The following ZNF507 variants were observed in gnomAD, a reference collection of about 807,000 sequenced individuals.
The protein encoded by ZNF507 is zinc finger protein 507.
Under a neutral mutation model 80.0 loss-of-function variants are expected in ZNF507, and 29 were observed. The ratio of observed to expected loss-of-function variants is 0.36; its 90% CI spans 0.27 to 0.49. The LOEUF (loss-of-function observed/expected upper bound fraction) is 0.49. Among genes scored for constraint, ZNF507 ranks in the 20% least tolerant of loss-of-function variants. ZNF507 has a pLI of 0.98. For synonymous variants in ZNF507, 462 were observed against 422.5 expected, an observed-to-expected ratio of 1.09 and a Z score of -1.15; for missense variants, 1,081 against 1,152.2, an observed-to-expected ratio of 0.94 and a Z score of 0.90.
intron 5 of ZNF507, among the ~76,000 whole-genome samples, chr19:32,364,697 CATATAT>C (rs758661375): frequency 6.6e-6 from 1 of 151,944 alleles, no homozygotes; most frequent in Non-Finnish European, 1.5e-5. Context: ...AGTATTCAAT[CATATAT>C]ATATATCTCC....
intron 4 of ZNF507, chr19:32,359,099 C>T (rs987098255): frequency 1.3e-5 from 2 of 152,150 alleles, no homozygotes; most frequent in African/African-American, 4.8e-5. Flanking sequence ...CAATATTTCA[C>T]ACTTCATTTT....
At position 32,387,089 on chromosome 19, in the gene ZNF507, CT is replaced by C. The variant is rs1424835235; in HGVS notation, c.*4012del. ...TTAAAAATTAAGTCTAATTTTGAAG[CT>C]TTTTTCCTTGCTACCCAGTTCAGTT... On this transcript the variant is annotated 3_prime_UTR_variant, in exon 7 of 7. Coordinates refer to ENST00000355898, the MANE Select transcript of ZNF507 (RefSeq NM_001136156.2). 6.6e-6 allele frequency: 1 copy of C among 152,106 alleles called. No homozygotes were observed. The highest frequency in any genetic ancestry group is 1.5e-5 in the Non-Finnish European group (1 of 68,018). The allele number at this position is 152,106 out of a possible 1,614,324, so 9.4% of individuals were successfully genotyped here.
chr19:32,363,986 T>C (rs1967363875), intron 5 of ZNF507, among the ~76,000 whole-genome samples: 1 of 152,192 alleles, frequency 6.6e-6, no homozygotes, highest in Admixed American at 6.5e-5. Flanking sequence ...TGTTATGCCA[T>C]ACTAAGCCTC....
At chr19:32,367,311 T>C (rs1967411673) in intron 5 of ZNF507, among the ~76,000 whole-genome samples, 1 of 152,186 alleles carries the variant, frequency 6.6e-6, no homozygotes, top group Non-Finnish European at 1.5e-5. Context: ...TGCCCAGGCT[T>C]TACCTCCAAC....
In ZNF507 at chr19:32,354,206, G is replaced by A. The variant is rs777010759; in HGVS notation, c.1376G>A (p.Ser459Asn). The change falls in exon 3 of 7, where the codon AGC (serine) becomes AAC (asparagine). Residue 459 changes from serine (S) to asparagine (N), a missense_variant. Physicochemically the swap from Ser to Asn is conservative, Grantham distance 46. Transcript: ENST00000355898. ...ATTGGGGGATTGATCATAGGCTGGAGCAGTTCAGAGAAAAAAGACGAGTTA... is the reference window on the plus strand; with the variant it reads ...ATTGGGGGATTGATCATAGGCTGGAACAGTTCAGAGAAAAAAGACGAGTTA... ...VDIGGLIIGWSSSEKKDELMN... is the reference protein window; with the variant it reads ...VDIGGLIIGWNSSEKKDELMN... 6.2e-7 allele frequency: 1 copy of A among 1,613,668 alleles called. No homozygotes were observed. Among genetic ancestry groups the A allele is most frequent in the Admixed American group, 1.7e-5 (1 of 60,012 alleles).
rs542178162 is a variant in ZNF507, at chr19:32,367,804, A to T, written c.2360+7186A>T. 5.9e-5 allele frequency among the ~76,000 whole-genome samples: 9 copies of T among 152,322 alleles called. No homozygotes were observed. In the South Asian group the frequency reaches 1.9e-3, roughly 32 times the overall value. On this transcript the variant is annotated intron_variant, in intron 5 of 6. Coordinates refer to ENST00000355898, the MANE Select transcript of ZNF507 (RefSeq NM_001136156.2). The stretch of plus-strand genomic sequence containing the variant: ...GGAATGACAGTTTGGAATGGAAATG[A>T]TAAGGTTGTCTCTCAGTGTAGTCAG...
intron 3 of ZNF507, among the ~76,000 whole-genome samples, chr19:32,355,288 A>G (rs772180258): frequency 6.6e-6 from 1 of 152,172 alleles, no homozygotes; most frequent in Non-Finnish European, 1.5e-5. Context: ...GTATTGACAT[A>G]CGTTTGACTT....
At position 32,353,334 on chromosome 19, in the gene ZNF507, G is replaced by A. The variant is rs111232936; in HGVS notation, c.504G>A (p.Glu168=). 8.7e-6 allele frequency: 14 copies of A among 1,614,214 alleles called. No homozygotes were observed. The highest frequency in any genetic ancestry group is 8.0e-5 in the African/African-American group (6 of 75,050). Residue 168 remains glutamate, a synonymous_variant, in exon 3 of 7, where the codon GAG becomes GAA. Transcript: ENST00000355898. ...GCCATATTACATCTAGAAGCCAGGA[G>A]GAACTTGAAGCCCACGTGGTGAATG... The part of the protein sequence containing the change: ...SECHITSRSQ[E]ELEAHVVNDH...
intron 5 of ZNF507, among the ~76,000 whole-genome samples, chr19:32,364,954 G>A (rs1257199061): frequency 3.3e-5 from 5 of 151,488 alleles, no homozygotes; most frequent in African/African-American, 9.7e-5. Context: ...GTTCCTTATC[G>A]CCACATCCAC....
chr19:32,351,554 T>C (rs1364557668), intron 2 of ZNF507, among the ~76,000 whole-genome samples: 1 of 130,118 alleles, frequency 7.7e-6, no homozygotes, highest in East Asian at 2.7e-4. Flanking sequence ...TGGCAGGACA[T>C]TAGGTATCAT....
rs924929630 is a variant in ZNF507, at chr19:32,385,130, A to G, written c.*2047A>G. 1.3e-5 allele frequency: 2 copies of G among 152,184 alleles called. No homozygotes were observed. The highest frequency in any genetic ancestry group is 2.4e-5 in the African/African-American group (1 of 41,450). The allele number at this position is 152,184 out of a possible 1,614,324, so 9.4% of individuals were successfully genotyped here. Reference sequence around the variant, plus strand: ...AAAATTTCCTTGGCTTTAGTTTTATATCATATTTAGAAAATAATAATGAAA... The same window carrying G: ...AAAATTTCCTTGGCTTTAGTTTTATGTCATATTTAGAAAATAATAATGAAA... On this transcript the variant is annotated 3_prime_UTR_variant, in exon 7 of 7. Coordinates refer to ENST00000355898, the MANE Select transcript of ZNF507 (RefSeq NM_001136156.2).
intron 5 of ZNF507, among the ~76,000 whole-genome samples, chr19:32,362,941 C>T (rs1967348957): frequency 6.6e-6 from 1 of 152,182 alleles, no homozygotes; most frequent in African/African-American, 2.4e-5. Flanking sequence ...CTCCTTTTAA[C>T]TTTCTTTAAA....
At chr19:32,376,834 A>T (rs1057216732) in intron 5 of ZNF507, among the ~76,000 whole-genome samples, 1 of 152,170 alleles carries the variant, frequency 6.6e-6, no homozygotes. Flanking sequence ...GTCATCTCCA[A>T]TGATAGGTAA....
chr19:32,363,868 G>A (rs1012872585), intron 5 of ZNF507, among the ~76,000 whole-genome samples: 8 of 152,188 alleles, frequency 5.3e-5, no homozygotes, highest in African/African-American at 1.7e-4. Context: ...TGCTGTCCCT[G>A]CTGAGGTCCC....
chr19:32,376,875 G>T (rs909765036), intron 5 of ZNF507, among the ~76,000 whole-genome samples: 3 of 152,146 alleles, frequency 2.0e-5, no homozygotes, highest in African/African-American at 7.2e-5. Flanking sequence ...CACTGGACAG[G>T]GGGCCCTTCC....
intron 5 of ZNF507, among the ~76,000 whole-genome samples, chr19:32,361,281 A>T (rs1190153224): frequency 6.6e-6 from 1 of 152,204 alleles, no homozygotes; most frequent in Non-Finnish European, 1.5e-5. Flanking sequence ...TATATATTTC[A>T]GAAAATATAG....
intron 4 of ZNF507, among the ~76,000 whole-genome samples, chr19:32,360,240 C>T (rs2041974): frequency 0.92 from 139,815 of 152,274 alleles, 64,328 homozygotes; most frequent in African/African-American, 0.98. Flanking sequence ...TTCATTATGA[C>T]TTAGAATATT....
intron 1 of ZNF507, among the ~76,000 whole-genome samples, chr19:32,346,184 C>T (rs954516445): frequency 6.6e-6 from 1 of 152,224 alleles, no homozygotes; most frequent in Non-Finnish European, 1.5e-5. Flanking sequence ...GACCCATCAC[C>T]TCAGTCCTTT....
At chr19:32,369,838 G>A (rs1967446131) in intron 5 of ZNF507, among the ~76,000 whole-genome samples, 1 of 152,072 alleles carries the variant, frequency 6.6e-6, no homozygotes, top group South Asian at 2.1e-4. Context: ...TCCTCATGCT[G>A]TGTATTAGGT....
Sources: allele counts gnomAD v4.1 joint callset (sites outside exome capture counted in the v4.1 genomes callset), GRCh38; gene constraint gnomAD v4.1.1; transcripts MANE v1.5; gene names NCBI Gene and HGNC (gene_info 2026-07-23, HGNC 2026-07-21).